CTBP2: variants seen among roughly 807,000 people sequenced by gnomAD.
CTBP2 encodes C-terminal binding protein 2.
In CTBP2, 30 loss-of-function variants were observed where a neutral mutation model predicts 80.3. The ratio of observed to expected loss-of-function variants is 0.37; its 90% CI spans 0.28 to 0.51. CTBP2 has a LOEUF of 0.51. CTBP2 is among the 20% of genes least tolerant of loss of function. The probability of loss-of-function intolerance (pLI) is 0.93; values close to 1 mark genes in which losing one functional copy is unlikely to be tolerated. For missense variants in CTBP2, 1,212 were observed against 1,375.3 expected (o/e 0.88, Z 1.88); for synonymous variants, 594 against 587.4 (o/e 1.01, Z -0.16).
chr10:124,995,553 G>A (rs1323322698), intron 4 of CTBP2, among the ~76,000 whole-genome samples: 2 of 152,168 alleles, frequency 1.3e-5, no homozygotes, highest in African/African-American at 4.8e-5. Flanking sequence ...GCGCATTTCC[G>A]AGCAGGCAGC....
chr10:125,045,074 T>C (rs10901854), intron 2 of CTBP2, among the ~76,000 whole-genome samples: 34,362 of 152,130 alleles, frequency 0.23, 4,233 homozygotes, highest in East Asian at 0.3. Flanking sequence ...ATGCCCACAG[T>C]GATTGTATCT....
chr10:125,158,906 G>A (rs1409056250), intron 1 of CTBP2, among the ~76,000 whole-genome samples: 1 of 152,036 alleles, frequency 6.6e-6, no homozygotes, highest in African/African-American at 2.4e-5. Flanking sequence ...ACGGGAGGGA[G>A]TGTGTGCGCG....
intron 1 of CTBP2, among the ~76,000 whole-genome samples, chr10:125,117,976 T>C (rs930813281): frequency 1.3e-5 from 2 of 152,060 alleles, no homozygotes; most frequent in Non-Finnish European, 2.9e-5. Flanking sequence ...TGTCAGAGAG[T>C]GTTTATGGAA....
At chr10:124,992,049 T>C (rs1952713578) in intron 8 of CTBP2, among the ~76,000 whole-genome samples, 1 of 152,108 alleles carries the variant, frequency 6.6e-6, no homozygotes, top group Admixed American at 6.5e-5. Flanking sequence ...TCATTTTTAG[T>C]GTGTGGACAA....
At position 125,052,160 on chromosome 10, in the gene CTBP2, C is replaced by G. The variant is rs75792581; in HGVS notation, c.-101-13005G>C. ...GCTGAGACCTGCAAGCTCAGGACCC[C>G]CCGGCAGGAAGCCTGGTTGTGATGC... On this transcript the variant is annotated intron_variant, in intron 2 of 10. Transcript: ENST00000337195. Among the ~76,000 whole-genome samples, 30 of 152,332 alleles carry G rather than the reference C, an allele frequency of 2.0e-4. 1 individual carries two copies. In the East Asian group the frequency reaches 5.4e-3, roughly 27 times the overall value.
intron 1 of CTBP2, among the ~76,000 whole-genome samples, chr10:125,134,620 G>GT (rs1227286379): frequency 6.6e-6 from 1 of 152,160 alleles, no homozygotes; most frequent in African/African-American, 2.4e-5. Flanking sequence ...AGGCTGGCAG[G>GT]CCCCTCCTTT....
intron 2 of CTBP2, among the ~76,000 whole-genome samples, chr10:125,079,827 G>C (rs193060225): frequency 2.6e-5 from 4 of 152,310 alleles, no homozygotes; most frequent in Admixed American, 2.6e-4. Context: ...GATGCAGGGA[G>C]ACTGATTTAG....
intron 1 of CTBP2, among the ~76,000 whole-genome samples, chr10:125,112,107 C>CTTTT (rs59148637): frequency 1.6e-4 from 20 of 123,732 alleles, no homozygotes; most frequent in African/African-American, 5.5e-4. Flanking sequence ...CTGCATTTGA[C>CTTTT]TTTTTTTTTT....
At chr10:125,073,511 GA>G (rs1845833187) in intron 2 of CTBP2, among the ~76,000 whole-genome samples, 1 of 152,224 alleles carries the variant, frequency 6.6e-6, no homozygotes, top group South Asian at 2.1e-4. Context: ...AAAGTGCTGG[GA>G]TTACAGGCGT....
intron 2 of CTBP2, among the ~76,000 whole-genome samples, chr10:125,054,820 G>A (rs939338930): frequency 1.2e-4 from 18 of 152,280 alleles, no homozygotes; most frequent in South Asian, 2.1e-4. Flanking sequence ...TAAATCCTCC[G>A]CTGCCCAGAC....
chr10:125,076,030 C>T (rs940707876), intron 2 of CTBP2, among the ~76,000 whole-genome samples: 23 of 152,192 alleles, frequency 1.5e-4, no homozygotes, highest in African/African-American at 5.6e-4. Flanking sequence ...CAAATGACCA[C>T]GCACAGAATG....
At chr10:125,005,285 C>T (rs1411300563) in intron 1 of CTBP2, among the ~76,000 whole-genome samples, 2 of 152,216 alleles carry the variant, frequency 1.3e-5, no homozygotes, top group Non-Finnish European at 2.9e-5. Context: ...CCCGCATGGC[C>T]CCCAAGCTAA....
intron 2 of CTBP2, among the ~76,000 whole-genome samples, chr10:125,061,794 C>T (rs1965020614): frequency 6.6e-6 from 1 of 152,140 alleles, no homozygotes; most frequent in South Asian, 2.1e-4. Flanking sequence ...ACTGTCACAC[C>T]CTTACTGAGA....
intron 2 of CTBP2, among the ~76,000 whole-genome samples, chr10:125,060,463 C>CGTGTGTGTGTGTGTGT (rs56032803): frequency 3.4e-5 from 5 of 147,968 alleles, no homozygotes; most frequent in African/African-American, 7.5e-5. Flanking sequence ...ATTCCCCCCA[C>CGTGTGTGTGTGTGTGT]GTGTGTGTGT....
intron 3 of CTBP2, among the ~76,000 whole-genome samples, chr10:125,038,114 T>C (rs1959068594): frequency 1.3e-5 from 2 of 152,210 alleles, no homozygotes. Context: ...CAGCAGAATG[T>C]CTATGATGTC....
chr10:125,098,010 A>C (rs1849811921), intron 2 of CTBP2, among the ~76,000 whole-genome samples: 2 of 152,162 alleles, frequency 1.3e-5, no homozygotes, highest in East Asian at 3.9e-4. Context: ...AGTCCCAGCT[A>C]CTAGGGAGGC....
rs191318751 is a variant in CTBP2 at position 125,066,662 on chromosome 10, T to C, written c.-101-27507A>G. Among the ~76,000 whole-genome samples the C allele has an allele frequency of 6.6e-6, 1 of 152,254 alleles. No individual in the cohort carries two copies. Among genetic ancestry groups the C allele is most frequent in the African/African-American group, 2.4e-5 (1 of 41,554 alleles). ...GGGAGCACAGTGCACCAACCTTCAG[T>C]GTAATCTCCAGTCCTGCCACTGACT... On this transcript the variant is annotated intron_variant, in intron 2 of 10. Transcript: ENST00000337195. The surrounding 1 kb of genome is among the most constrained non-coding windows in gnomAD (Gnocchi z 4.1).
intron 2 of CTBP2, among the ~76,000 whole-genome samples, chr10:125,104,119 C>A (rs141569615): frequency 6.6e-6 from 1 of 152,308 alleles, no homozygotes; most frequent in Non-Finnish European, 1.5e-5. Context: ...AAAGACAGCA[C>A]GGTACCGTTC....
At chr10:124,990,887 C>A (rs1443184694) in intron 8 of CTBP2, among the ~76,000 whole-genome samples, 1 of 152,256 alleles carries the variant, frequency 6.6e-6, no homozygotes, top group East Asian at 1.9e-4. Flanking sequence ...ACCATGCTGG[C>A]AGCCTCATCT....
Sources: allele counts gnomAD v4.1 joint callset (sites outside exome capture counted in the v4.1 genomes callset), GRCh38; gene constraint gnomAD v4.1.1; non-coding constraint Gnocchi (gnomAD v3.1); transcripts MANE v1.5; gene names NCBI Gene and HGNC (gene_info 2026-07-23, HGNC 2026-07-21).